SOX5: variants seen among roughly 807,000 people sequenced by gnomAD.
The protein encoded by SOX5 is transcription factor SOX-5.
In SOX5, 9 loss-of-function variants were observed where a neutral mutation model predicts 92.0. The ratio of observed to expected loss-of-function variants is 0.10; its 90% CI spans 0.06 to 0.17. The LOEUF is 0.17. Ranked by LOEUF, SOX5 falls within the 10% of genes least tolerant of loss-of-function variation. The pLI, the probability that SOX5 is intolerant of heterozygous loss-of-function variation, is 1.00. For missense variants in SOX5, 642 were observed against 944.5 expected, an observed-to-expected ratio of 0.68 and a Z score of 4.20; for synonymous variants, 344 against 336.3, an observed-to-expected ratio of 1.02 and a Z score of -0.25.
intron 10 of SOX5, among the ~76,000 whole-genome samples, chr12:23,566,918 A>T (rs1947210419): frequency 6.6e-6 from 1 of 152,206 alleles, no homozygotes; most frequent in Non-Finnish European, 1.5e-5. Flanking sequence ...CTAAGTTTTC[A>T]CTTCCCTTAA....
At chr12:24,442,391 T>C (rs560995027) in intron 1 of SOX5, among the ~76,000 whole-genome samples, 7 of 152,246 alleles carry the variant, frequency 4.6e-5, no homozygotes, top group African/African-American at 1.7e-4. Flanking sequence ...TCCAAGAACA[T>C]TATATTCTAG....
At chr12:24,248,513 T>C (rs975276946) in intron 3 of SOX5, among the ~76,000 whole-genome samples, 2 of 152,114 alleles carry the variant, frequency 1.3e-5, no homozygotes, top group Non-Finnish European at 2.9e-5. Flanking sequence ...GCCTCCCAAG[T>C]AGCTGGGATT....
chr12:23,732,805 T>C (rs573010774), intron 6 of SOX5, among the ~76,000 whole-genome samples: 3 of 152,302 alleles, frequency 2.0e-5, no homozygotes, highest in East Asian at 3.9e-4. Flanking sequence ...TCTACCAGTT[T>C]CTAATTGTGT....
intron 8 of SOX5, among the ~76,000 whole-genome samples, chr12:23,622,306 A>G (rs1592671004): frequency 7.7e-6 from 1 of 129,932 alleles, no homozygotes; most frequent in Admixed American, 8.1e-5. Context: ...ATTCCAGGCA[A>G]TAAAAAGAGA....
At chr12:24,029,550 C>T (rs1955251067) in intron 4 of SOX5, among the ~76,000 whole-genome samples, 1 of 151,658 alleles carries the variant, frequency 6.6e-6, no homozygotes, top group African/African-American at 2.4e-5. Context: ...ACTAGGATTA[C>T]AGGCATAAAC....
At chr12:24,541,069 T>C (rs1367140268) in intron 1 of SOX5, among the ~76,000 whole-genome samples, 1 of 152,244 alleles carries the variant, frequency 6.6e-6, no homozygotes, top group East Asian at 1.9e-4. Context: ...TGTAGGCTTC[T>C]ATAAACTTTT....
intron 3 of SOX5, among the ~76,000 whole-genome samples, chr12:24,262,743 G>C (rs2140260571): frequency 6.6e-6 from 1 of 152,252 alleles, no homozygotes; most frequent in South Asian, 2.1e-4. Context: ...TGAAGACAAA[G>C]GTCCCATTTT....
intron 3 of SOX5, among the ~76,000 whole-genome samples, chr12:24,230,188 T>C (rs1157151098): frequency 6.6e-6 from 1 of 151,900 alleles, no homozygotes; most frequent in Non-Finnish European, 1.5e-5. Flanking sequence ...AGTTGCACGG[T>C]AGGGATCAAA....
chr12:23,891,708 A>T (rs7966900), intron 2 of SOX5, among the ~76,000 whole-genome samples: 102,146 of 152,028 alleles, frequency 0.67, 34,464 homozygotes, highest in East Asian at 0.88. Context: ...ATTTCCTTAC[A>T]GAAATAAAAG....
At chr12:24,022,674 T>C (rs1440460571) in intron 4 of SOX5, among the ~76,000 whole-genome samples, 1 of 152,108 alleles carries the variant, frequency 6.6e-6, no homozygotes, top group Non-Finnish European at 1.5e-5. Flanking sequence ...TTCAGTTTTA[T>C]ATTACTGCTC....
rs777462380 is a variant in SOX5, at chr12:23,575,567, C to T, written c.1342+94G>A. On this transcript the variant is annotated intron_variant, in intron 10 of 14. Coordinates refer to ENST00000451604, the MANE Select transcript of SOX5 (RefSeq NM_006940.6). ...TGAAGCTGTCCTATAGAATTCAAGC[C>T]GTGTATAGAGTGGGTGTGATGTGCC... is the stretch of plus-strand genomic sequence containing the variant. 71 of 1,169,256 alleles carry T rather than the reference C, an allele frequency of 6.1e-5. No homozygotes were observed. In the Middle Eastern group the frequency reaches 1.9e-3, roughly 31 times the overall value. The allele number at this position is 1,169,256 out of a possible 1,614,324, so 72.4% of individuals were successfully genotyped here. A position where few individuals can be genotyped will look rare whatever the true frequency, so the allele number is the denominator to read the frequency against.
At chr12:24,003,958 G>T (rs1003930955) in intron 4 of SOX5, among the ~76,000 whole-genome samples, 1 of 151,990 alleles carries the variant, frequency 6.6e-6, no homozygotes, top group Non-Finnish European at 1.5e-5. Flanking sequence ...TATGTAAGTC[G>T]CTAGAACAGA....
chr12:24,213,736 C>T (rs919653002), intron 3 of SOX5, among the ~76,000 whole-genome samples: 5 of 151,438 alleles, frequency 3.3e-5, no homozygotes, highest in Middle Eastern at 6.8e-3. Context: ...CAAGATACAG[C>T]GACAACTGAA....
rs947934430 is a variant in SOX5 at position 24,393,534 on chromosome 12, A to G, written c.-250-24895T>C. On this transcript the variant is annotated intron_variant, in intron 1 of 4. Coordinates refer to the SOX5 transcript ENST00000446891. The surrounding 1 kb of genome is among the most constrained non-coding windows in gnomAD (Gnocchi z 5.0). The stretch of plus-strand genomic sequence containing the variant: ...GTATCTGAATAATGAGATCTGTAAA[A>G]TTGATTCTTGCATTAGAAATTTACT... Among the ~76,000 whole-genome samples, 14 of 152,226 alleles carry G rather than the reference A, an allele frequency of 9.2e-5. No homozygotes were observed. The highest frequency in any genetic ancestry group is 3.4e-4 in the African/African-American group (14 of 41,460).
At chr12:24,418,617 G>T (rs967413600) in intron 1 of SOX5, among the ~76,000 whole-genome samples, 1 of 152,140 alleles carries the variant, frequency 6.6e-6, no homozygotes, top group African/African-American at 2.4e-5. Context: ...CAGAAATTAG[G>T]AATTGCAGAG....
At chr12:23,982,732 AAATAATTTT>A (rs1949687604) in intron 4 of SOX5, among the ~76,000 whole-genome samples, 1 of 152,062 alleles carries the variant, frequency 6.6e-6, no homozygotes, top group Non-Finnish European at 1.5e-5. Flanking sequence ...AAAAAGGTGA[AAATAATTTT>A]AATAATTTAT....
chr12:24,423,116 G>T (rs1412975159), intron 1 of SOX5, among the ~76,000 whole-genome samples: 1 of 152,160 alleles, frequency 6.6e-6, no homozygotes, highest in South Asian at 2.1e-4. Flanking sequence ...GAAGAAATCT[G>T]CACTCCTATA....
chr12:23,790,527 C>CTT (rs1285467196), intron 3 of SOX5, among the ~76,000 whole-genome samples: 1 of 86,790 alleles, frequency 1.2e-5, no homozygotes, highest in African/African-American at 4.5e-5. Flanking sequence ...AACTCTCTCT[C>CTT]TCTCTCTCTC....
At chr12:24,200,547 G>C (rs1053418423) in intron 4 of SOX5, among the ~76,000 whole-genome samples, 1 of 151,700 alleles carries the variant, frequency 6.6e-6, no homozygotes, top group Non-Finnish European at 1.5e-5. Context: ...CTCATATATA[G>C]GGACAACATT....
Sources: allele counts gnomAD v4.1 joint callset (sites outside exome capture counted in the v4.1 genomes callset), GRCh38; gene constraint gnomAD v4.1.1; non-coding constraint Gnocchi (gnomAD v3.1); transcripts MANE v1.5; gene names NCBI Gene and HGNC (gene_info 2026-07-23, HGNC 2026-07-21).